The following SLC44A1 variants were observed in gnomAD, a reference collection of about 807,000 sequenced individuals.
SLC44A1 encodes the protein solute carrier family 44 member 1.
Under a neutral mutation model 79.3 loss-of-function variants are expected in SLC44A1, and 26 were observed. The observed-to-expected ratio is 0.33, with a 90% CI of 0.24 to 0.46. The LOEUF is 0.46. Among genes scored for constraint, SLC44A1 ranks in the 20% least tolerant of loss-of-function variants. The pLI, the probability that SLC44A1 is intolerant of heterozygous loss-of-function variation, is 1.00. For synonymous variants in SLC44A1, 263 were observed against 286.2 expected (o/e 0.92, Z 0.82); for missense variants, 688 against 798.1 (o/e 0.86, Z 1.66).
At chr9:105,429,722 T>G (rs890585451) in intron 15 of SLC44A1, among the ~76,000 whole-genome samples, 3 of 152,176 alleles carry the variant, frequency 2.0e-5, no homozygotes, top group African/African-American at 7.2e-5. Flanking sequence ...CATCCAAGAT[T>G]TAGAATTTAT....
rs569780438 is a variant in SLC44A1 at position 105,391,567 on chromosome 9, T to G, written c.*2511T>G. 1 of 985,212 alleles carries G rather than the reference T, an allele frequency of 1.0e-6. No individual in the cohort carries two copies. Among genetic ancestry groups the G allele is most frequent in the African/African-American group, 1.7e-5 (1 of 57,248 alleles). 61.0% of individuals were successfully genotyped at this position (985,212 alleles called of 1,614,324 possible). A position where few individuals can be genotyped will look rare whatever the true frequency, so the allele number is the denominator to read the frequency against. On this transcript the variant is annotated 3_prime_UTR_variant, in exon 16 of 16. Transcript: ENST00000374720. Reference sequence around the variant, plus strand: ...ATTTAATATGTGGAATATCACTCTTTCATGAGCTTTATTCCTTGATTAATT... The same window carrying G: ...ATTTAATATGTGGAATATCACTCTTGCATGAGCTTTATTCCTTGATTAATT...
intron 1 of SLC44A1, among the ~76,000 whole-genome samples, chr9:105,248,326 T>C (rs1459090148): frequency 2.6e-5 from 4 of 152,266 alleles, no homozygotes; most frequent in Non-Finnish European, 4.4e-5. Context: ...TGATCTCTTG[T>C]AATCTGTCCT....
At chr9:105,270,263 A>G (rs992106636) in intron 1 of SLC44A1, among the ~76,000 whole-genome samples, 12 of 152,058 alleles carry the variant, frequency 7.9e-5, no homozygotes, top group African/African-American at 2.9e-4. Flanking sequence ...TTTTCTCCTA[A>G]GACTGTCTGT....
At chr9:105,329,371 A>AGCAGCCAAATTCGGCAGGAG in intron 3 of SLC44A1, among the ~76,000 whole-genome samples, 1 of 152,110 alleles carries the variant, frequency 6.6e-6, no homozygotes, top group Non-Finnish European at 1.5e-5. Flanking sequence ...TGGAGAGGAG[A>AGCAGCCAAATTCGGCAGGAG]GCAGCCAAAT....
At chr9:105,304,944 G>GTTTTTTTTTTTTTT (rs10589897) in intron 2 of SLC44A1, among the ~76,000 whole-genome samples, 1 of 20,078 alleles carries the variant, frequency 5.0e-5, no homozygotes, top group African/African-American at 1.4e-4. Context: ...ACTTTCTATC[G>GTTTTTTTTTTTTTT]TTTTTTTTTT....
At chr9:105,278,259 T>G (rs1436749170) in intron 1 of SLC44A1, among the ~76,000 whole-genome samples, 1 of 151,782 alleles carries the variant, frequency 6.6e-6, no homozygotes, top group African/African-American at 2.4e-5. Flanking sequence ...ATTTATTTAT[T>G]TATTTATGAG....
In SLC44A1 at chr9:105,250,015, C is replaced by T. The variant is rs145219891; in HGVS notation, c.36+5111C>T. Among the ~76,000 whole-genome samples the T allele has an allele frequency of 6.3e-3, 956 of 151,512 alleles. 10 individuals carry two copies. Among genetic ancestry groups the T allele is most frequent in the African/African-American group, 0.022 (923 of 41,254 alleles). The stretch of plus-strand genomic sequence containing the variant: ...TCCTGAGTAGCTGAGACTATAGGCA[C>T]GAGCTCACGCCTGGCTATTTTTTTA... On this transcript the variant is annotated intron_variant, in intron 1 of 15. Transcript: ENST00000374720.
intron 1 of SLC44A1, among the ~76,000 whole-genome samples, chr9:105,269,628 G>A (rs1409868441): frequency 6.6e-6 from 1 of 152,186 alleles, no homozygotes; most frequent in Non-Finnish European, 1.5e-5. Context: ...CAGTTTTACT[G>A]AGAGTTGACA....
At position 105,389,259 on chromosome 9, in the gene SLC44A1, A is replaced by G. The variant is rs781255038; in HGVS notation, c.*203A>G. The stretch of plus-strand genomic sequence containing the variant: ...ACCTTTTTTATGCTTATTTTTGTCA[A>G]ACATGTACTCCTTTCATACGGGTGG... On this transcript the variant is annotated 3_prime_UTR_variant, in exon 16 of 16. Transcript: ENST00000374720. 23 of 1,256,112 alleles carry G rather than the reference A, an allele frequency of 1.8e-5. No individual in the cohort carries two copies. The highest frequency in any genetic ancestry group is 8.0e-6 in the Non-Finnish European group (8 of 996,638). The allele number at this position is 1,256,112 out of a possible 1,614,324, so 77.8% of individuals were successfully genotyped here.
At chr9:105,410,106 T>A (rs1306010309) in intron 15 of SLC44A1, among the ~76,000 whole-genome samples, 3 of 152,194 alleles carry the variant, frequency 2.0e-5, no homozygotes, top group African/African-American at 7.2e-5. Context: ...GACCTAAATA[T>A]AAGAGCTAAA....
intron 2 of SLC44A1, among the ~76,000 whole-genome samples, chr9:105,307,851 A>T (rs189923345): frequency 1.8e-4 from 28 of 152,186 alleles, no homozygotes; most frequent in Admixed American, 5.2e-4. Flanking sequence ...ATTGGGTTGA[A>T]GTTCTGAGGT....
intron 2 of SLC44A1, among the ~76,000 whole-genome samples, chr9:105,304,943 C>CG (rs1564426049): frequency 4.4e-5 from 1 of 22,772 alleles, no homozygotes; most frequent in Non-Finnish European, 1.3e-4. Flanking sequence ...GACTTTCTAT[C>CG]GTTTTTTTTT....
At chr9:105,405,682 T>C (rs573496539) in intron 15 of SLC44A1, among the ~76,000 whole-genome samples, 1 of 152,304 alleles carries the variant, frequency 6.6e-6, no homozygotes, top group South Asian at 2.1e-4. Flanking sequence ...TTGAATTGTC[T>C]GGTGGCTCCC....
downstream of SLC44A1, among the ~76,000 whole-genome samples, chr9:105,397,958 A>AG (rs1208739721): frequency 1.1e-4 from 17 of 151,776 alleles, no homozygotes; most frequent in South Asian, 3.5e-3. Flanking sequence ...AGAAAAAAAA[A>AG]AAAAAGAAAA....
At chr9:105,281,164 A>G (rs543670870) in intron 1 of SLC44A1, among the ~76,000 whole-genome samples, 2 of 152,328 alleles carry the variant, frequency 1.3e-5, no homozygotes, top group South Asian at 4.1e-4. Flanking sequence ...AAATCCCTGT[A>G]GGGTGGCTGG....
At position 105,358,257 on chromosome 9, in the gene SLC44A1, G is replaced by T. The variant is rs927428265; in HGVS notation, c.671-87G>T. 2.9e-5 allele frequency: 22 copies of T among 754,284 alleles called. No individual in the cohort carries two copies. The African/African-American group carries it at 3.9e-4, about 13-fold the overall frequency. The allele number at this position is 754,284 out of a possible 1,614,324, so 46.7% of individuals were successfully genotyped here. A position where few individuals can be genotyped will look rare whatever the true frequency, so the allele number is the denominator to read the frequency against. On this transcript the variant is annotated intron_variant, in intron 6 of 15. Coordinates refer to ENST00000374720, the MANE Select transcript of SLC44A1 (RefSeq NM_080546.5). ...CAATAGCAACAGATTATTTCCCTGG[G>T]GAAAAAAGCAACCATTTAAAGCGTT...
intron 3 of SLC44A1, among the ~76,000 whole-genome samples, chr9:105,328,636 C>G (rs1826655763): frequency 6.6e-6 from 1 of 152,190 alleles, no homozygotes; most frequent in Non-Finnish European, 1.5e-5. Flanking sequence ...GCTCTCAGTG[C>G]TGTGAATTAC....
At chr9:105,370,621 A>C (rs1009776294) in intron 12 of SLC44A1, among the ~76,000 whole-genome samples, 6 of 152,242 alleles carry the variant, frequency 3.9e-5, no homozygotes, top group African/African-American at 1.4e-4. Context: ...TGAAGCTTCT[A>C]AAAACTAATG....
At chr9:105,377,405 T>C (rs1001476891) in intron 13 of SLC44A1, among the ~76,000 whole-genome samples, 1 of 152,172 alleles carries the variant, frequency 6.6e-6, no homozygotes, top group African/African-American at 2.4e-5. Flanking sequence ...CCCACTTTAT[T>C]GTAGTAAGAT....
Sources: allele counts gnomAD v4.1 joint callset (sites outside exome capture counted in the v4.1 genomes callset), GRCh38; gene constraint gnomAD v4.1.1; transcripts MANE v1.5; gene names NCBI Gene and HGNC (gene_info 2026-07-23, HGNC 2026-07-21).